TRPM6: variants seen among roughly 807,000 people sequenced by gnomAD.
The protein encoded by TRPM6 is transient receptor potential cation channel subfamily M member 6, also known as channel kinase 2.
In TRPM6, 111 loss-of-function variants were observed where a neutral mutation model predicts 247.6. That is an observed-to-expected ratio of 0.45 (90% CI 0.38 to 0.52). TRPM6 has a LOEUF of 0.52. TRPM6 is among the 20% of genes least tolerant of loss of function. The pLI, the probability that TRPM6 is intolerant of heterozygous loss-of-function variation, is 0.00. For synonymous variants in TRPM6, 892 were observed against 853.8 expected, an observed-to-expected ratio of 1.04 and a Z score of -0.78; for missense variants, 2,126 against 2,421.5, an observed-to-expected ratio of 0.88 and a Z score of 2.56.
intron 14 of TRPM6, among the ~76,000 whole-genome samples, chr9:74,805,834 A>C (rs781412884): frequency 6.6e-6 from 1 of 152,166 alleles, no homozygotes; most frequent in South Asian, 2.1e-4. Flanking sequence ...TGGAAGTCTT[A>C]ATACAGAAAA....
chr9:74,750,624 A>C (rs755668144), intron 30 of TRPM6, 40 bp downstream of exon 30: 45 of 1,586,790 alleles, frequency 2.8e-5, no homozygotes, highest in Non-Finnish European at 3.6e-5. Flanking sequence ...AAAAAATGGA[A>C]GCCAAAGATT....
At chr9:74,834,323 T>C (rs1829644735) in intron 5 of TRPM6, among the ~76,000 whole-genome samples, 1 of 152,158 alleles carries the variant, frequency 6.6e-6, no homozygotes, top group Admixed American at 6.5e-5. Flanking sequence ...ATTACCTCTC[T>C]CTACCTGAAC....
At chr9:74,843,158 C>T (rs1223883210) in intron 3 of TRPM6, among the ~76,000 whole-genome samples, 1 of 152,142 alleles carries the variant, frequency 6.6e-6, no homozygotes, top group African/African-American at 2.4e-5. Flanking sequence ...GAACCATTTT[C>T]TTTATTCATC....
intron 33 of TRPM6, 147 bp from the exon 34 acceptor site, chr9:74,740,156 C>T (rs1825818260): frequency 1.1e-6 from 1 of 908,828 alleles, no homozygotes; most frequent in Non-Finnish European, 1.7e-6. Context: ...AGAATAAGGA[C>T]ATGTATCAGG....
intron 20 of TRPM6, 104 bp downstream of exon 20, chr9:74,788,510 C>T: frequency 2.1e-6 from 3 of 1,400,538 alleles, no homozygotes; most frequent in Non-Finnish European, 3.0e-6. Flanking sequence ...CTTCCCCCAC[C>T]CTTGACATGT....
At chr9:74,815,695 A>T (rs1279418841) in intron 11 of TRPM6, among the ~76,000 whole-genome samples, 2 of 152,236 alleles carry the variant, frequency 1.3e-5, no homozygotes, top group African/African-American at 2.4e-5. Flanking sequence ...AAAATATAGC[A>T]ATATGACATT....
In TRPM6 at chr9:74,723,421, C is replaced by T. The variant is rs1825203228; in HGVS notation, c.*1192G>A. 1 of 151,248 alleles carries T rather than the reference C, an allele frequency of 6.6e-6. No homozygotes were observed. Among genetic ancestry groups the T allele is most frequent in the Non-Finnish European group, 1.5e-5 (1 of 67,920 alleles). 9.4% of individuals were successfully genotyped at this position (151,248 alleles called of 1,614,324 possible). On this transcript the variant is annotated 3_prime_UTR_variant, in exon 39 of 39. Coordinates refer to ENST00000360774, the MANE Select transcript of TRPM6 (RefSeq NM_017662.5). Reference sequence around the variant, plus strand: ...GTTTTACAGGTTGAGTTAGTCAACTCCTAACTAATAGTACCCCTGAGCTTT... The same window carrying T: ...GTTTTACAGGTTGAGTTAGTCAACTTCTAACTAATAGTACCCCTGAGCTTT...
intron 27 of TRPM6, among the ~76,000 whole-genome samples, chr9:74,761,372 C>A (rs1826621998): frequency 6.6e-6 from 1 of 152,174 alleles, no homozygotes; most frequent in Non-Finnish European, 1.5e-5. Context: ...TGTCCTTCAA[C>A]ATGTTAGCAG....
chr9:74,749,136 C>T (rs75933719), intron 30 of TRPM6, among the ~76,000 whole-genome samples: 3,913 of 152,166 alleles, frequency 0.026, 169 homozygotes, highest in African/African-American at 0.088. Context: ...GTAGGTTAGA[C>T]CATCTAGGTG....
At chr9:74,832,344 A>G (rs1475400468) in intron 6 of TRPM6, among the ~76,000 whole-genome samples, 1 of 152,246 alleles carries the variant, frequency 6.6e-6, no homozygotes, top group Non-Finnish European at 1.5e-5. Flanking sequence ...ACAACCCATC[A>G]CAATATATGA....
chr9:74,869,761 T>A (rs1460815171), intron 1 of TRPM6, among the ~76,000 whole-genome samples: 1 of 151,748 alleles, frequency 6.6e-6, no homozygotes, highest in Admixed American at 6.6e-5. Context: ...AGAATGAAGA[T>A]GCAATGAGCG....
At position 74,744,088 on chromosome 9, in the gene TRPM6, A is replaced by G. The variant is rs1825953544; in HGVS notation, c.5134+7T>C. 3.1e-6 allele frequency: 5 copies of G among 1,613,902 alleles called. No individual in the cohort carries two copies. In the East Asian group the frequency reaches 6.7e-5, roughly 22 times the overall value. On this transcript the variant is annotated splice_region_variant and intron_variant, in intron 32 of 38. Coordinates refer to ENST00000360774, the MANE Select transcript of TRPM6 (RefSeq NM_017662.5). ...AGCTGACATGTCTATGTGCATATGC[A>G]TCCTACCTGAATAATGATGGTGAGG... is the stretch of plus-strand genomic sequence containing the variant.
intron 23 of TRPM6, among the ~76,000 whole-genome samples, chr9:74,776,355 A>G (rs80304350): frequency 0.027 from 4,088 of 152,116 alleles, 175 homozygotes; most frequent in African/African-American, 0.091. Flanking sequence ...CAGAAAATCC[A>G]TTCTGGAACT....
intron 24 of TRPM6, among the ~76,000 whole-genome samples, chr9:74,772,362 T>C (rs1276098829): frequency 6.6e-6 from 1 of 152,242 alleles, no homozygotes; most frequent in Non-Finnish European, 1.5e-5. Flanking sequence ...TATATAGAAT[T>C]CTTTCTCTTC....
At position 74,782,769 on chromosome 9, in the gene TRPM6, T is replaced by C. The variant is rs764225697; in HGVS notation, c.3004A>G (p.Lys1002Glu). 2 of 1,614,182 alleles carry C rather than the reference T, an allele frequency of 1.2e-6. No homozygotes were observed. The highest frequency in any genetic ancestry group is 3.3e-5 in the Admixed American group (2 of 60,022). The change falls in exon 22 of 39, where the codon AAA becomes GAA. Residue 1002 changes from lysine to glutamate, a missense_variant. Around this residue, in one of 3 missense-constraint regions of TRPM6, gnomAD observed 1,082 missense variants for 1,307.9 expected, o/e 0.83. Transcript: ENST00000360774. ...GVARKAILSPKEPPSWSLARD... is the reference protein window; with the variant it reads ...GVARKAILSPEEPPSWSLARD... ...GCTAGACTCCAAGATGGTGGCTCTT[T>C]TGGCGAAAGGATGGCCTTGCGTGCC...
intron 38 of TRPM6, among the ~76,000 whole-genome samples, chr9:74,727,754 T>G (rs551739022): frequency 5.3e-5 from 8 of 152,320 alleles, no homozygotes; most frequent in African/African-American, 1.9e-4. Context: ...TATGTTGCAA[T>G]GTGTGTTCAA....
Position 74,782,690 on chromosome 9 carries a change from C to T in TRPM6, c.3083G>A (p.Gly1028Glu). 4 of 1,614,182 alleles carry T rather than the reference C, an allele frequency of 2.5e-6. No homozygotes were observed. ...AATCCCATACACACCATCTATTTCTCCAGCATAGACTTCTCCGTATATCAT... is the reference window on the plus strand; with the variant it reads ...AATCCCATACACACCATCTATTTCTTCAGCATAGACTTCTCCGTATATCAT... ...YWMIYGEVYA[G>E]EIDVCSSQPS... Residue 1028 changes from glycine (G) to glutamate (E), a missense_variant, in exon 22 of 39, where the codon GGA becomes GAA. Gly to Glu is a moderately conservative substitution (Grantham distance 98, BLOSUM62 -2). Transcript: ENST00000360774.
At chr9:74,819,928 A>G (rs1829081449) in intron 9 of TRPM6, among the ~76,000 whole-genome samples, 1 of 152,214 alleles carries the variant, frequency 6.6e-6, no homozygotes. Flanking sequence ...CGAAGAATCA[A>G]ATTCTGTAGA....
At chr9:74,864,278 G>T (rs1830778989) in intron 1 of TRPM6, among the ~76,000 whole-genome samples, 2 of 152,184 alleles carry the variant, frequency 1.3e-5, no homozygotes, top group African/African-American at 4.8e-5. Context: ...CTTGAAGCAA[G>T]AATCCCTTCA....
Sources: allele counts gnomAD v4.1 joint callset (sites outside exome capture counted in the v4.1 genomes callset), GRCh38; gene constraint gnomAD v4.1.1; regional missense constraint gnomAD v4.1.1; transcripts MANE v1.5; gene names NCBI Gene and HGNC (gene_info 2026-07-23, HGNC 2026-07-21).